SLC24A2: variants seen among roughly 807,000 people sequenced by gnomAD.
The protein encoded by SLC24A2 is sodium/potassium/calcium exchanger 2.
A neutral mutation model predicts 62.0 loss-of-function variants in SLC24A2; 36 were observed. The ratio of observed to expected loss-of-function variants is 0.58; its 90% CI spans 0.44 to 0.77. The LOEUF (loss-of-function observed/expected upper bound fraction) is 0.77, where lower values mean the gene tolerates loss of function less well. Ranked by LOEUF, SLC24A2 falls within the 30% of genes least tolerant of loss-of-function variation. The pLI is 0.00. For synonymous variants in SLC24A2, 358 were observed against 294.0 expected (o/e 1.22, Z -2.23); for missense variants, 846 against 817.9 (o/e 1.03, Z -0.42).
At chr9:19,651,450 C>G (rs548784559) in intron 2 of SLC24A2, among the ~76,000 whole-genome samples, 21 of 152,240 alleles carry the variant, frequency 1.4e-4, no homozygotes, top group African/African-American at 4.8e-4. Flanking sequence ...AACTTTGAAC[C>G]CATGTTCTTA....
At chr9:20,038,927 T>C in the SLC24A2 span, among the ~76,000 whole-genome samples, 78 of 152,222 alleles carry the variant, frequency 5.1e-4, no homozygotes, top group Non-Finnish European at 1.5e-4. Flanking sequence ...CGTAAAATTT[T>C]TTTAAAAGCA....
At chr9:20,230,969 A>G in the SLC24A2 span, among the ~76,000 whole-genome samples, 1 of 152,292 alleles carries the variant, frequency 6.6e-6, no homozygotes, top group East Asian at 1.9e-4. Flanking sequence ...CAGTTTTCCC[A>G]GCACCATTTA....
At chr9:20,008,379 AC>A in the SLC24A2 span, among the ~76,000 whole-genome samples, 1 of 151,824 alleles carries the variant, frequency 6.6e-6, no homozygotes. Flanking sequence ...TCTGTCTGCC[AC>A]TGGTGACTTC....
At chr9:19,878,050 C>T in the SLC24A2 span, among the ~76,000 whole-genome samples, 2 of 152,174 alleles carry the variant, frequency 1.3e-5, no homozygotes, top group African/African-American at 2.4e-5. Flanking sequence ...AGACCTGTTA[C>T]CACCCTGTGC....
chr9:20,222,888 G>C, the SLC24A2 span, among the ~76,000 whole-genome samples: 5 of 151,960 alleles, frequency 3.3e-5, no homozygotes, highest in South Asian at 2.1e-4. Flanking sequence ...TGCTGTGACA[G>C]CTTCGCTTTA....
At chr9:19,590,112 C>T (rs970106769) in intron 5 of SLC24A2, among the ~76,000 whole-genome samples, 19 of 152,200 alleles carry the variant, frequency 1.2e-4, no homozygotes, top group African/African-American at 4.6e-4. Context: ...ACAGACCCTA[C>T]TTTACCATGG....
At chr9:19,853,455 G>A in the SLC24A2 span, among the ~76,000 whole-genome samples, 5 of 151,962 alleles carry the variant, frequency 3.3e-5, no homozygotes, top group Admixed American at 3.3e-4. Context: ...TGTCAAAAAT[G>A]GCTTTTATTA....
At chr9:19,769,611 T>C (rs1191238824) in intron 2 of SLC24A2, among the ~76,000 whole-genome samples, 2 of 152,356 alleles carry the variant, frequency 1.3e-5, no homozygotes, top group Non-Finnish European at 2.9e-5. Context: ...TATGTTCTTA[T>C]GGTTCTTCCG....
the SLC24A2 span, among the ~76,000 whole-genome samples, chr9:19,894,248 A>G: frequency 6.6e-6 from 1 of 152,172 alleles, no homozygotes; most frequent in Non-Finnish European, 1.5e-5. Context: ...CTTGGCAGCC[A>G]AGGAGAGGAG....
chr9:20,007,911 T>TTC, the SLC24A2 span, among the ~76,000 whole-genome samples: 7 of 101,884 alleles, frequency 6.9e-5, no homozygotes, highest in Non-Finnish European at 1.4e-4. Context: ...TTTTTTTTTT[T>TTC]TTTTGACAGA....
At chr9:19,614,316 T>A (rs1391790630) in intron 4 of SLC24A2, among the ~76,000 whole-genome samples, 1 of 152,198 alleles carries the variant, frequency 6.6e-6, no homozygotes, top group African/African-American at 2.4e-5. Context: ...GCAGATTCCA[T>A]CTTTTCATGA....
At chr9:19,653,894 T>C (rs1366794150) in intron 2 of SLC24A2, among the ~76,000 whole-genome samples, 1 of 152,212 alleles carries the variant, frequency 6.6e-6, no homozygotes, top group Non-Finnish European at 1.5e-5. Context: ...ATTCTACATC[T>C]ATGCCAAACT....
the SLC24A2 span, among the ~76,000 whole-genome samples, chr9:19,807,331 C>G: frequency 6.6e-6 from 1 of 152,186 alleles, no homozygotes; most frequent in Non-Finnish European, 1.5e-5. Context: ...AACACGACAT[C>G]ATCTTCTAGC....
chr9:19,916,006 T>C, the SLC24A2 span, among the ~76,000 whole-genome samples: 1 of 152,100 alleles, frequency 6.6e-6, no homozygotes, highest in Non-Finnish European at 1.5e-5. Flanking sequence ...ATATCACAGC[T>C]ATATTTTCTT....
At chr9:19,725,160 A>T (rs1182649) in intron 2 of SLC24A2, among the ~76,000 whole-genome samples, 83,789 of 151,938 alleles carry the variant, frequency 0.55, 23,303 homozygotes, top group East Asian at 0.8. Context: ...TGCGTGTGCT[A>T]CCAGCATCTA....
chr9:20,229,059 G>A, the SLC24A2 span, among the ~76,000 whole-genome samples: 1 of 152,108 alleles, frequency 6.6e-6, no homozygotes, highest in Non-Finnish European at 1.5e-5. Flanking sequence ...TTTCTCTTTT[G>A]CTGCCTTGTA....
At chr9:19,855,154 C>G in the SLC24A2 span, among the ~76,000 whole-genome samples, 10 of 152,168 alleles carry the variant, frequency 6.6e-5, no homozygotes. Context: ...AAATTTCCCT[C>G]TATCTCTTTA....
chr9:20,095,929 C>T, the SLC24A2 span, among the ~76,000 whole-genome samples: 25 of 152,082 alleles, frequency 1.6e-4, no homozygotes, highest in African/African-American at 5.6e-4. Flanking sequence ...GAGACTTATT[C>T]ACTATCATGA....
At chr9:20,210,106 G>T in the SLC24A2 span, among the ~76,000 whole-genome samples, 1 of 152,134 alleles carries the variant, frequency 6.6e-6, no homozygotes, top group Admixed American at 6.5e-5. Flanking sequence ...CAAGTTCTCT[G>T]AAGTTTACAT....
Sources: gnomAD v4.1 joint callset for allele counts (sites outside exome capture counted in the v4.1 genomes callset) on GRCh38, gnomAD v4.1.1 for gene constraint, MANE v1.5 for transcripts, NCBI Gene and HGNC (gene_info 2026-07-23, HGNC 2026-07-21) for gene names.